The following STT3B variants were observed in gnomAD, a reference collection of about 807,000 sequenced individuals.
STT3B encodes the protein STT3 oligosaccharyltransferase complex catalytic subunit B.
Under a neutral mutation model 96.8 loss-of-function variants are expected in STT3B, and 29 were observed. The observed-to-expected ratio is 0.30, with a 90% CI of 0.22 to 0.41. The LOEUF (loss-of-function observed/expected upper bound fraction) is 0.41, where lower values mean the gene tolerates loss of function less well. Among genes scored for constraint, STT3B ranks in the 10% least tolerant of loss-of-function variants. STT3B has a pLI of 1.00. For synonymous variants in STT3B, 367 were observed against 360.0 expected (o/e 1.02, Z -0.22); for missense variants, 640 against 1,022.3 (o/e 0.63, Z 5.10).
chr3:31,578,995 T>C (rs372188298), intron 2 of STT3B, among the ~76,000 whole-genome samples: 39 of 152,116 alleles, frequency 2.6e-4, no homozygotes, highest in African/African-American at 9.4e-4. Context: ...AAGAGTCTTT[T>C]AGGACTTACC....
intron 3 of STT3B, among the ~76,000 whole-genome samples, chr3:31,580,320 A>G (rs1698354246): frequency 6.6e-6 from 1 of 152,214 alleles, no homozygotes; most frequent in East Asian, 1.9e-4. Flanking sequence ...CTCCAAAAGA[A>G]GAGCTATCAT....
chr3:31,555,314 A>T (rs1337325534), intron 1 of STT3B, among the ~76,000 whole-genome samples: 1 of 152,100 alleles, frequency 6.6e-6, no homozygotes, highest in Non-Finnish European at 1.5e-5. Flanking sequence ...CCTAGCTATA[A>T]AAACCTATGA....
chr3:31,551,529 CT>C (rs1209961719), intron 1 of STT3B, among the ~76,000 whole-genome samples: 5 of 152,102 alleles, frequency 3.3e-5, no homozygotes, highest in African/African-American at 1.2e-4. Context: ...TTTCCTGATT[CT>C]TTTATGCTTA....
At chr3:31,629,232 G>A in intron 13 of STT3B, 66 bp from the exon 14 acceptor site, 1 of 890,434 alleles carries the variant, frequency 1.1e-6, no homozygotes, top group Middle Eastern at 2.2e-4. Flanking sequence ...GAAATGAAAA[G>A]AGGAAACTGT....
chr3:31,632,191 A>G (rs1477436303), intron 14 of STT3B, among the ~76,000 whole-genome samples: 2 of 152,044 alleles, frequency 1.3e-5, no homozygotes, highest in African/African-American at 2.4e-5. Context: ...TTCTCTCCCT[A>G]TGTTTTCCCT....
chr3:31,621,646 T>C (rs1699431759), intron 9 of STT3B, among the ~76,000 whole-genome samples: 1 of 152,238 alleles, frequency 6.6e-6, no homozygotes, highest in Admixed American at 6.5e-5. Flanking sequence ...GGTTCCTCCT[T>C]TGATTAATAA....
intron 3 of STT3B, among the ~76,000 whole-genome samples, chr3:31,589,824 T>G (rs1698626864): frequency 6.6e-6 from 1 of 152,004 alleles, no homozygotes. Flanking sequence ...ACTGTATACC[T>G]TTAATTTTTT....
chr3:31,533,039 CCCT>C lies in STT3B; in HGVS notation c.43_45del (p.Leu15del). ...GCCCCGGAGAGCAAGCACAAGTCGT[CCCT>C]CAACTCGTCCCCGTGGAGTGGCCTC... On this transcript the variant is annotated inframe_deletion, in exon 1 of 16. Coordinates refer to ENST00000295770, the MANE Select transcript of STT3B (RefSeq NM_178862.3). 6.3e-7 allele frequency: 1 copy of C among 1,587,428 alleles called. No homozygotes were observed.
intron 1 of STT3B, among the ~76,000 whole-genome samples, chr3:31,534,163 C>T (rs1192011446): frequency 2.6e-5 from 4 of 152,136 alleles, no homozygotes; most frequent in Non-Finnish European, 4.4e-5. Context: ...GCATTAGTTC[C>T]TTTATTGGTC....
chr3:31,543,604 A>G (rs1278821857), intron 1 of STT3B, among the ~76,000 whole-genome samples: 2 of 152,242 alleles, frequency 1.3e-5, no homozygotes, highest in Non-Finnish European at 2.9e-5. Context: ...CTGTGATGTC[A>G]GTAAGATCAC....
intron 1 of STT3B, among the ~76,000 whole-genome samples, chr3:31,549,469 G>T (rs1697498152): frequency 6.6e-6 from 1 of 151,516 alleles, no homozygotes; most frequent in Non-Finnish European, 1.5e-5. Context: ...TCCTCAGAAA[G>T]TTGGTCATTT....
intron 15 of STT3B, among the ~76,000 whole-genome samples, chr3:31,633,668 G>A (rs984554570): frequency 6.6e-6 from 1 of 151,962 alleles, no homozygotes; most frequent in Admixed American, 6.6e-5. Flanking sequence ...TGAGACTACT[G>A]CAATTCTTTT....
intron 1 of STT3B, among the ~76,000 whole-genome samples, chr3:31,549,682 C>T (rs1697503473): frequency 6.6e-6 from 1 of 151,856 alleles, no homozygotes; most frequent in Admixed American, 6.6e-5. Flanking sequence ...TAGTATAATG[C>T]ATAATCATAT....
At chr3:31,614,135 G>T (rs1363459233) in intron 5 of STT3B, among the ~76,000 whole-genome samples, 1 of 151,910 alleles carries the variant, frequency 6.6e-6, no homozygotes, top group African/African-American at 2.4e-5. Context: ...AAAGTGTGTA[G>T]TACACTATGC....
chr3:31,614,521 C>G (rs1008661615), intron 5 of STT3B, among the ~76,000 whole-genome samples: 4 of 151,858 alleles, frequency 2.6e-5, no homozygotes, highest in African/African-American at 9.7e-5. Flanking sequence ...ATGCTAAATT[C>G]AGTAGCTGGT....
intron 9 of STT3B, among the ~76,000 whole-genome samples, chr3:31,621,463 G>A (rs1451272937): frequency 6.6e-6 from 1 of 152,186 alleles, no homozygotes; most frequent in African/African-American, 2.4e-5. Flanking sequence ...AATTTAATTA[G>A]CATCAGATAA....
At chr3:31,611,521 T>A (rs766225213) in intron 5 of STT3B, among the ~76,000 whole-genome samples, 2 of 152,166 alleles carry the variant, frequency 1.3e-5, no homozygotes, top group African/African-American at 2.4e-5. Flanking sequence ...TATTTTGAGA[T>A]GGAGTTTCGC....
intron 1 of STT3B, among the ~76,000 whole-genome samples, chr3:31,571,985 A>T (rs1698153711): frequency 8.6e-6 from 1 of 116,254 alleles, no homozygotes; most frequent in Non-Finnish European, 1.8e-5. Context: ...ATCAATATTA[A>T]ATATATTAAT....
chr3:31,598,125 G>A (rs749558729), intron 4 of STT3B, among the ~76,000 whole-genome samples: 12 of 152,022 alleles, frequency 7.9e-5, no homozygotes, highest in African/African-American at 9.6e-5. Context: ...TGTGAGCCAC[G>A]GCACCTGGCC....
Sources: gnomAD v4.1 joint callset for allele counts (sites outside exome capture counted in the v4.1 genomes callset) on GRCh38, gnomAD v4.1.1 for gene constraint, MANE v1.5 for transcripts, NCBI Gene and HGNC (gene_info 2026-07-23, HGNC 2026-07-21) for gene names.